The following KCNA6 variants were observed in gnomAD, a reference collection of about 807,000 sequenced individuals.
The protein encoded by KCNA6 is human brain potassium channel-2.
KCNA6 carries 17 observed loss-of-function variants against 29.5 expected under a neutral mutation model. The observed-to-expected ratio is 0.58, with a 90% CI of 0.39 to 0.86. KCNA6 has a LOEUF of 0.86. Among genes scored for constraint, KCNA6 ranks in the 40% least tolerant of loss-of-function variants. KCNA6 has a pLI of 0.00. For synonymous variants in KCNA6, 296 were observed against 304.7 expected (o/e 0.97, Z 0.30); for missense variants, 450 against 703.4 (o/e 0.64, Z 4.07).
chr12:4,838,366 C>G, the KCNA6 span, among the ~76,000 whole-genome samples: 1 of 152,178 alleles, frequency 6.6e-6, no homozygotes, highest in African/African-American at 2.4e-5. Flanking sequence ...TGCTCCCTGC[C>G]TTTGATACTG....
chr12:4,814,970 T>C (rs1946668011), downstream of KCNA6, among the ~76,000 whole-genome samples: 1 of 152,224 alleles, frequency 6.6e-6, no homozygotes, highest in Admixed American at 6.5e-5. This position sits in a 1 kb window ranked among gnomAD's most constrained non-coding sequence, Gnocchi z 4.6. Flanking sequence ...AACTTCAGTT[T>C]CCTTTTTCTC....
At chr12:4,844,845 ATAAT>A in the KCNA6 span, among the ~76,000 whole-genome samples, 1 of 150,510 alleles carries the variant, frequency 6.6e-6, no homozygotes, top group African/African-American at 2.4e-5. The surrounding 1 kb of genome is among the most constrained non-coding windows in gnomAD (Gnocchi z 4.0). Context: ...GCAGTATATT[ATAAT>A]GTTCATTTAA....
rs754028431 is a variant in KCNA6, at chr12:4,810,210, C to G, written c.169C>G (p.Arg57Gly). ...CGGGCTGCGCTTTGAGACACAATTG[C>G]GCACCCTGTCGCTGTTTCCGGACAC... Residue 57 changes from arginine to glycine, a missense_variant, in exon 1 of 1, where the codon CGC becomes GGC. By Grantham distance (125) the Arg-to-Gly change is moderately radical. Around this residue, in one of 7 missense-constraint regions of KCNA6, gnomAD observed 133 missense variants for 217.5 expected, o/e 0.61. Coordinates refer to ENST00000280684, the Ensembl canonical transcript of KCNA6. The surrounding 1 kb of genome is among the most constrained non-coding windows in gnomAD (Gnocchi z 7.5). The G allele has an allele frequency of 4.3e-6, 7 of 1,613,570 alleles. No individual in the cohort carries two copies. In the South Asian group the frequency reaches 7.7e-5, roughly 18 times the overall value.
the KCNA6 span, among the ~76,000 whole-genome samples, chr12:4,830,747 T>C: frequency 6.6e-6 from 1 of 152,228 alleles, no homozygotes; most frequent in East Asian, 1.9e-4. Flanking sequence ...CTGCAGCCTC[T>C]GTCCCTGGGC....
chr12:4,809,979 C>A, exon 1 of KCNA6: 2 of 1,482,256 alleles, frequency 1.3e-6, no homozygotes, highest in Non-Finnish European at 1.8e-6. Context: ...GAGCGGGTGC[C>A]GCGCTCCAGA....
At chr12:4,832,660 ACCTGTCT>A in the KCNA6 span, among the ~76,000 whole-genome samples, 1 of 152,064 alleles carries the variant, frequency 6.6e-6, no homozygotes, top group Non-Finnish European at 1.5e-5. Context: ...CTAGTCACTC[ACCTGTCT>A]CCAGAACAAA....
At chr12:4,823,201 T>C in the KCNA6 span, among the ~76,000 whole-genome samples, 32,029 of 152,074 alleles carry the variant, frequency 0.21, 3,486 homozygotes, top group South Asian at 0.23. Flanking sequence ...CTCTCAGAGG[T>C]GCTTTTTAAT....
chr12:4,817,935 G>A (rs1383039339), downstream of KCNA6, among the ~76,000 whole-genome samples: 1 of 152,190 alleles, frequency 6.6e-6, no homozygotes, highest in East Asian at 1.9e-4. Flanking sequence ...GAGCAAAGGC[G>A]ACATTTCAAA....
At chr12:4,840,087 ACT>A in the KCNA6 span, among the ~76,000 whole-genome samples, 300 of 152,140 alleles carry the variant, frequency 2.0e-3, 1 homozygote, top group Non-Finnish European at 3.0e-3. Context: ...GAAATGATAA[ACT>A]CTATATGAAA....
Position 4,810,924 on chromosome 12 carries a change from A to G in KCNA6, c.883A>G (p.Ile295Val). 1.2e-6 allele frequency: 2 copies of G among 1,614,220 alleles called. No homozygotes were observed. The highest frequency in any genetic ancestry group is 1.7e-6 in the Non-Finnish European group (2 of 1,180,038). The change falls in exon 1 of 1, where the codon ATC becomes GTC. Residue 295 changes from isoleucine to valine, a missense_variant. Around this residue, in one of 7 missense-constraint regions of KCNA6, gnomAD observed 46 missense variants for 80.2 expected, o/e 0.57. Transcript: ENST00000280684. The surrounding 1 kb of genome is among the most constrained non-coding windows in gnomAD (Gnocchi z 7.5). ...TAGCAAGCCGGCCTTCTTCCGGAAC[A>G]TCATGAACATCATTGACTTGGTGGC...
At chr12:4,847,236 A>G in the KCNA6 span, among the ~76,000 whole-genome samples, 1 of 152,102 alleles carries the variant, frequency 6.6e-6, no homozygotes, top group Admixed American at 6.5e-5. Flanking sequence ...CTTAATTTCT[A>G]AATTTCATGA....
rs1374140903 is a variant in KCNA6, at chr12:4,810,404, C to A, written c.363C>A (p.Ile121=). ...CCCTGGACATTTTCCTGGAGGAGATCCGCTTCTACCAGCTGGGGGACGAGG... is the reference window on the plus strand; with the variant it reads ...CCCTGGACATTTTCCTGGAGGAGATACGCTTCTACCAGCTGGGGGACGAGG... Residue 121 remains isoleucine, a synonymous_variant, in exon 1 of 1, where the codon ATC becomes ATA. Coordinates refer to ENST00000280684, the Ensembl canonical transcript of KCNA6. This position sits in a 1 kb window ranked among gnomAD's most constrained non-coding sequence, Gnocchi z 7.5. 25 of 1,614,018 alleles carry A rather than the reference C, an allele frequency of 1.5e-5. No individual in the cohort carries two copies. Among genetic ancestry groups the A allele is most frequent in the Non-Finnish European group, 2.0e-5 (24 of 1,180,026 alleles).
At chr12:4,839,476 C>CT in the KCNA6 span, 1 of 152,168 alleles carries the variant, frequency 6.6e-6, no homozygotes, top group Non-Finnish European at 1.5e-5. Context: ...TGTTAAATGA[C>CT]TTTTTATGTC....
the KCNA6 span, among the ~76,000 whole-genome samples, chr12:4,834,788 C>G: frequency 6.6e-6 from 1 of 152,140 alleles, no homozygotes; most frequent in South Asian, 2.1e-4. Context: ...GACCTTGGAG[C>G]CAAAATCTGT....
At chr12:4,827,560 G>T in the KCNA6 span, among the ~76,000 whole-genome samples, 26 of 152,336 alleles carry the variant, frequency 1.7e-4, no homozygotes, top group African/African-American at 5.8e-4. Flanking sequence ...GGAAAGAAAG[G>T]TTGGTGTTAC....
chr12:4,827,870 C>G, the KCNA6 span, among the ~76,000 whole-genome samples: 1 of 152,250 alleles, frequency 6.6e-6, no homozygotes. Flanking sequence ...CGAAGCCTCA[C>G]AGTCCCTGGA....
chr12:4,810,342 C>T lies in KCNA6; in HGVS notation c.301C>T (p.Gln101Ter), dbSNP rs1350682349. The T allele has an allele frequency of 1.9e-6, 3 of 1,614,160 alleles. No individual in the cohort carries two copies. Among genetic ancestry groups the T allele is most frequent in the Non-Finnish European group, 2.5e-6 (3 of 1,180,034 alleles). Residue 101 changes from glutamine (Q) to a stop codon, truncating the protein, a stop_gained, in exon 1 of 1, where the codon CAG becomes TAG. Transcript: ENST00000280684. LOFTEE classifies it high-confidence loss of function. The surrounding 1 kb of genome is among the most constrained non-coding windows in gnomAD (Gnocchi z 7.5). ...CTTCGACGCCATCCTCTACTACTAC[C>T]AGTCTGGGGGCCGCCTGCGGAGGCC...
downstream of KCNA6, chr12:4,814,299 T>G (rs1053263429): frequency 5.4e-5 from 9 of 167,028 alleles, no homozygotes; most frequent in African/African-American, 2.2e-4. The surrounding 1 kb of genome is among the most constrained non-coding windows in gnomAD (Gnocchi z 4.6). Flanking sequence ...CTTCTTGGAG[T>G]GGCGGCCAAG....
At position 4,811,717 on chromosome 12, in the gene KCNA6, TC is replaced by T; in HGVS notation, c.*87del. On this transcript the variant is annotated 3_prime_UTR_variant, in exon 1 of 1. Coordinates refer to ENST00000280684, the Ensembl canonical transcript of KCNA6. The surrounding 1 kb of genome is among the most constrained non-coding windows in gnomAD (Gnocchi z 7.1). ...CTCATTTCCACTACTCACTCTAGCT[TC>T]AGTTGACTTCTTGACTCTCTCCCCT... 2.7e-6 allele frequency: 4 copies of T among 1,469,514 alleles called. No individual in the cohort carries two copies. 91.0% of individuals were successfully genotyped at this position (1,469,514 alleles called of 1,614,324 possible). A position where few individuals can be genotyped will look rare whatever the true frequency, so the allele number is the denominator to read the frequency against.
Sources: gnomAD v4.1 joint callset for allele counts (sites outside exome capture counted in the v4.1 genomes callset) on GRCh38, gnomAD v4.1.1 for gene constraint, gnomAD v4.1.1 regional missense constraint, Gnocchi (gnomAD v3.1) non-coding constraint, MANE v1.5 for transcripts, NCBI Gene and HGNC (gene_info 2026-07-23, HGNC 2026-07-21) for gene names.